Variants in ASTN2 observed in about 807,000 individuals in gnomAD.
ASTN2 encodes astrotactin 2.
Under a neutral mutation model 139.8 loss-of-function variants are expected in ASTN2, and 54 were observed. The observed-to-expected ratio is 0.39, with a 90% CI of 0.31 to 0.48. ASTN2 has a LOEUF of 0.48. ASTN2 is among the 20% of genes least tolerant of loss of function. The pLI is 0.95. For synonymous variants in ASTN2, 756 were observed against 719.5 expected, an observed-to-expected ratio of 1.05 and a Z score of -0.81; for missense variants, 1,565 against 1,725.1, an observed-to-expected ratio of 0.91 and a Z score of 1.64.
chr9:116,543,669 C>A (rs1283544274), intron 19 of ASTN2: 1 of 152,178 alleles, frequency 6.6e-6, no homozygotes, highest in African/African-American at 2.4e-5. Context: ...GTCCCTCTCT[C>A]CAGTGGCCTC....
rs1834038420 is a variant in ASTN2, at chr9:116,902,510, T to C, written c.1890-38777A>G. Among the ~76,000 whole-genome samples, 3 of 152,262 alleles carry C rather than the reference T, an allele frequency of 2.0e-5. No homozygotes were observed. The South Asian group carries it at 6.2e-4, about 32-fold the overall frequency. The stretch of plus-strand genomic sequence containing the variant: ...ATACACAAATACCATTGTGTTACAA[T>C]TGCCTACAGTATTCAGTACAGCAAT... On this transcript the variant is annotated intron_variant, in intron 10 of 22. Transcript: ENST00000313400.
chr9:116,531,527 C>A (rs1851347941), intron 19 of ASTN2, among the ~76,000 whole-genome samples: 1 of 139,524 alleles, frequency 7.2e-6, no homozygotes, highest in African/African-American at 2.6e-5. Context: ...CCCCCCACCC[C>A]ACGACAGGCC....
chr9:116,753,398 G>A (rs1228766748), intron 13 of ASTN2, among the ~76,000 whole-genome samples: 2 of 152,188 alleles, frequency 1.3e-5, no homozygotes, highest in Middle Eastern at 3.2e-3. Context: ...TTTTAGGGCA[G>A]TGAAAGTATT....
chr9:117,379,004 G>A (rs1040403024), intron 1 of ASTN2, among the ~76,000 whole-genome samples: 3 of 152,138 alleles, frequency 2.0e-5, no homozygotes, highest in South Asian at 2.1e-4. Context: ...TACTCCTGCC[G>A]TGTGAGACGT....
chr9:117,400,682 T>G (rs531552241), intron 1 of ASTN2, among the ~76,000 whole-genome samples: 65 of 152,182 alleles, frequency 4.3e-4, no homozygotes, highest in African/African-American at 1.5e-3. Flanking sequence ...CCAGAAAGGA[T>G]AGAGAAGGAA....
At chr9:117,295,466 C>G (rs1834706755) in intron 1 of ASTN2, among the ~76,000 whole-genome samples, 1 of 152,266 alleles carries the variant, frequency 6.6e-6, no homozygotes, top group East Asian at 1.9e-4. Flanking sequence ...ATCTCTCACG[C>G]ACTTTGGAAA....
intron 17 of ASTN2, among the ~76,000 whole-genome samples, chr9:116,632,181 AGAGGG>A (rs1856797384): frequency 4.0e-5 from 1 of 25,260 alleles, no homozygotes; most frequent in African/African-American, 1.0e-4. Flanking sequence ...AGAGAGAGAG[AGAGGG>A]AGAGAGAGAG....
At chr9:117,319,378 C>T (rs1828248259) in intron 1 of ASTN2, among the ~76,000 whole-genome samples, 1 of 152,166 alleles carries the variant, frequency 6.6e-6, no homozygotes, top group African/African-American at 2.4e-5. Flanking sequence ...CTTGACTCAA[C>T]TGTAAAATGG....
At chr9:117,186,443 A>G (rs910379761) in intron 3 of ASTN2, among the ~76,000 whole-genome samples, 2 of 152,128 alleles carry the variant, frequency 1.3e-5, no homozygotes, top group Non-Finnish European at 2.9e-5. Flanking sequence ...GCTACTCGGG[A>G]GGCTGAAGCA....
chr9:117,255,126 T>C (rs1211136902), intron 2 of ASTN2, among the ~76,000 whole-genome samples: 2 of 152,206 alleles, frequency 1.3e-5, no homozygotes, highest in Non-Finnish European at 1.5e-5. Flanking sequence ...ATTCTGGGCA[T>C]CCAGAAATCA....
intron 5 of ASTN2, among the ~76,000 whole-genome samples, chr9:117,060,415 A>AAGG (rs1554774078): frequency 1.7e-4 from 5 of 30,258 alleles, no homozygotes; most frequent in African/African-American, 5.6e-4. Flanking sequence ...AGAAAGAAGG[A>AAGG]AAGGAAGGAA....
intron 6 of ASTN2, among the ~76,000 whole-genome samples, chr9:117,014,770 G>C (rs1159808332): frequency 6.6e-6 from 1 of 152,046 alleles, no homozygotes; most frequent in African/African-American, 2.4e-5. Flanking sequence ...ATAAGAAGAG[G>C]ATATTGGGGC....
intron 1 of ASTN2, among the ~76,000 whole-genome samples, chr9:117,385,416 A>AAT (rs1429826322): frequency 6.6e-6 from 1 of 152,142 alleles, no homozygotes; most frequent in Non-Finnish European, 1.5e-5. Flanking sequence ...ATAATCATTG[A>AAT]ATATGGATTT....
At chr9:116,594,463 C>A (rs887051243) in intron 19 of ASTN2, among the ~76,000 whole-genome samples, 6 of 152,208 alleles carry the variant, frequency 3.9e-5, no homozygotes, top group Non-Finnish European at 7.3e-5. Context: ...CTAGTATCAA[C>A]TCTACATGTG....
chr9:117,007,657 G>GA (rs530322059), intron 7 of ASTN2, among the ~76,000 whole-genome samples: 101 of 152,220 alleles, frequency 6.6e-4, no homozygotes, highest in Middle Eastern at 3.4e-3. Flanking sequence ...CCTGTTGAGT[G>GA]AATTAATGAA....
intron 19 of ASTN2, among the ~76,000 whole-genome samples, chr9:116,602,377 TAATC>T (rs1331657382): frequency 6.6e-6 from 1 of 152,134 alleles, no homozygotes; most frequent in East Asian, 1.9e-4. Context: ...ATGATGTAAA[TAATC>T]TACTAGAGAA....
intron 2 of ASTN2, among the ~76,000 whole-genome samples, chr9:117,274,156 C>A (rs1834129585): frequency 6.6e-6 from 1 of 152,122 alleles, no homozygotes; most frequent in African/African-American, 2.4e-5. Flanking sequence ...CGAGACCATC[C>A]TGGCTAACAT....
Position 116,733,406 on chromosome 9 carries a change from C to T in ASTN2, c.2514G>A (p.Leu838=), listed in dbSNP as rs771815770. The change falls in exon 14 of 23, where the codon CTG becomes CTA. Residue 838 remains leucine, a synonymous_variant. Coordinates refer to ENST00000313400, the MANE Select transcript of ASTN2 (RefSeq NM_001365068.1). ...VLSEPLPDLQ[L]LTGDIRYDEA... Reference sequence around the variant, plus strand: ...CTGGCACATGTGTCTTACCAGTGAGCAGTTGGAGGTCTGGAAGGGGCTCGG... The same window carrying T: ...CTGGCACATGTGTCTTACCAGTGAGTAGTTGGAGGTCTGGAAGGGGCTCGG... 4.3e-6 allele frequency: 7 copies of T among 1,613,894 alleles called. No homozygotes were observed. In the Admixed American group the frequency reaches 6.7e-5, roughly 15 times the overall value.
At chr9:116,818,291 TG>T (rs1287561059) in intron 12 of ASTN2, among the ~76,000 whole-genome samples, 1 of 152,192 alleles carries the variant, frequency 6.6e-6, no homozygotes, top group African/African-American at 2.4e-5. Flanking sequence ...AAGGTCCCCT[TG>T]ATAATGAGTT....
Sources: gnomAD v4.1 joint callset for allele counts (sites outside exome capture counted in the v4.1 genomes callset) on GRCh38, gnomAD v4.1.1 for gene constraint, MANE v1.5 for transcripts, NCBI Gene and HGNC (gene_info 2026-07-23, HGNC 2026-07-21) for gene names.